WWOX: variants seen among roughly 807,000 people sequenced by gnomAD.
The protein encoded by WWOX is WW domain-containing oxidoreductase.
A neutral mutation model predicts 46.2 loss-of-function variants in WWOX; 69 were observed. The ratio of observed to expected loss-of-function variants is 1.49; its 90% CI spans 1.23 to 1.82. The LOEUF is 1.82. WWOX is among the 40% of genes most tolerant of loss of function. The probability of loss-of-function intolerance (pLI) is 0.00; values close to 1 mark genes in which losing one functional copy is unlikely to be tolerated. For missense variants in WWOX, 919 were observed against 542.6 expected (o/e 1.69, Z -6.89); for synonymous variants, 359 against 202.6 (o/e 1.77, Z -6.56).
chr16:78,175,608 G>A (rs1413162324), intron 5 of WWOX, among the ~76,000 whole-genome samples: 1 of 152,156 alleles, frequency 6.6e-6, no homozygotes, highest in Non-Finnish European at 1.5e-5. Context: ...CACCAGCCAT[G>A]TATATGATCC....
At chr16:78,246,823 C>G (rs181552753) in intron 5 of WWOX, among the ~76,000 whole-genome samples, 1 of 151,954 alleles carries the variant, frequency 6.6e-6, no homozygotes, top group African/African-American at 2.4e-5. Context: ...CCTGGAAGTG[C>G]GAGCAATTGA....
intron 4 of WWOX, among the ~76,000 whole-genome samples, chr16:78,152,143 T>C (rs754735449): frequency 6.6e-6 from 1 of 150,840 alleles, no homozygotes; most frequent in South Asian, 2.1e-4. Context: ...TGAGCCGAGA[T>C]CGCGCCACTG....
At position 78,361,971 on chromosome 16, in the gene WWOX, C is replaced by CTTTTTT. The variant is rs56026502; in HGVS notation, c.517-24881_517-24876dup. Among the ~76,000 whole-genome samples the CTTTTTT allele has an allele frequency of 1.3e-4, 18 of 138,568 alleles. No individual in the cohort carries two copies. In the South Asian group the frequency reaches 1.4e-3, roughly 10 times the overall value. The allele number at this position is 138,568 out of a possible 152,430, so 90.9% of individuals were successfully genotyped here. On this transcript the variant is annotated intron_variant, in intron 5 of 8. Coordinates refer to ENST00000566780, the MANE Select transcript of WWOX (RefSeq NM_016373.4). ...ATTAGCGTAGATTCACAGGTATTTC[C>CTTTTTT]TTTTTTTTTTTTTGATTTATTAATA...
At chr16:78,656,145 T>G (rs113317559) in intron 8 of WWOX, among the ~76,000 whole-genome samples, 64 of 152,308 alleles carry the variant, frequency 4.2e-4, no homozygotes, top group African/African-American at 1.5e-3. Flanking sequence ...ATGAAAGTTA[T>G]GCTCTGTTGT....
chr16:78,744,683 C>A (rs138332519), intron 8 of WWOX, among the ~76,000 whole-genome samples: 1 of 152,216 alleles, frequency 6.6e-6, no homozygotes, highest in Non-Finnish European at 1.5e-5. Context: ...CCACCTGCCT[C>A]GGCCTCCCAA....
chr16:78,480,895 A>G (rs1159654240), intron 8 of WWOX, among the ~76,000 whole-genome samples: 1 of 152,236 alleles, frequency 6.6e-6, no homozygotes, highest in Non-Finnish European at 1.5e-5. Context: ...AATGAACAAG[A>G]GACTTACAAA....
At chr16:78,372,902 T>A (rs2081727659) in intron 5 of WWOX, among the ~76,000 whole-genome samples, 1 of 152,196 alleles carries the variant, frequency 6.6e-6, no homozygotes, top group Non-Finnish European at 1.5e-5. Flanking sequence ...TTTGGAATAA[T>A]GAGCTTGGTT....
chr16:79,178,435 G>A (rs924309734), intron 8 of WWOX, among the ~76,000 whole-genome samples: 3 of 152,068 alleles, frequency 2.0e-5, no homozygotes, highest in Middle Eastern at 3.2e-3. Flanking sequence ...TCTTGCCTTA[G>A]CCACCCGAGT....
chr16:79,188,824 G>C (rs1454491276), intron 8 of WWOX, among the ~76,000 whole-genome samples: 3 of 152,160 alleles, frequency 2.0e-5, no homozygotes. Context: ...GGGGCTGCTC[G>C]GTTCTCTCAC....
chr16:78,750,760 C>T (rs1256769954), intron 8 of WWOX, among the ~76,000 whole-genome samples: 3 of 152,148 alleles, frequency 2.0e-5, no homozygotes, highest in Non-Finnish European at 2.9e-5. Context: ...TTTTCTGTTT[C>T]TGCATTTATT....
intron 8 of WWOX, 126 bp from the exon 9 acceptor site, chr16:79,211,482 A>C: frequency 8.1e-7 from 1 of 1,231,306 alleles, no homozygotes. Flanking sequence ...ACCCTTTGCT[A>C]TGCCAAGATC....
intron 8 of WWOX, among the ~76,000 whole-genome samples, chr16:78,901,750 A>T (rs922501418): frequency 6.6e-6 from 1 of 152,330 alleles, no homozygotes; most frequent in Non-Finnish European, 1.5e-5. Context: ...TGGTCTCCCA[A>T]AGTGCTGGGA....
chr16:78,391,167 CTCT>C (rs2082167706), intron 6 of WWOX, among the ~76,000 whole-genome samples: 1 of 151,664 alleles, frequency 6.6e-6, no homozygotes, highest in Non-Finnish European at 1.5e-5. Context: ...CTTCCTGGAT[CTCT>C]TCTTTTTATT....
At chr16:78,974,080 G>C (rs2046524720) in intron 8 of WWOX, among the ~76,000 whole-genome samples, 1 of 152,144 alleles carries the variant, frequency 6.6e-6, no homozygotes, top group Admixed American at 6.5e-5. Flanking sequence ...AAAAAATCTT[G>C]CATTCAAAAA....
intron 7 of WWOX, 98 bp downstream of exon 7, chr16:78,425,153 G>T (rs999623549): frequency 1.3e-5 from 19 of 1,517,024 alleles, no homozygotes; most frequent in East Asian, 1.1e-4. Flanking sequence ...CATTAGTCCT[G>T]CTTGAGACAT....
At chr16:78,376,235 G>C (rs772786341) in intron 5 of WWOX, among the ~76,000 whole-genome samples, 5 of 150,726 alleles carry the variant, frequency 3.3e-5, no homozygotes, top group Admixed American at 1.3e-4. Context: ...TGATAAGGAA[G>C]CTCACGCTTA....
chr16:78,825,058 A>T (rs891328481), intron 8 of WWOX, among the ~76,000 whole-genome samples: 1 of 152,192 alleles, frequency 6.6e-6, no homozygotes, highest in African/African-American at 2.4e-5. Context: ...GGCTAGGGGA[A>T]AATGGTAATA....
chr16:78,594,359 T>C (rs2045426480), intron 8 of WWOX, among the ~76,000 whole-genome samples: 1 of 149,538 alleles, frequency 6.7e-6, no homozygotes, highest in Non-Finnish European at 1.5e-5. Context: ...CTCATATTCT[T>C]GCATTTGCTG....
At chr16:78,747,352 T>C (rs964778815) in intron 8 of WWOX, among the ~76,000 whole-genome samples, 8 of 151,952 alleles carry the variant, frequency 5.3e-5, no homozygotes, top group Non-Finnish European at 1.0e-4. Flanking sequence ...CGACCACACC[T>C]GTCTAATTTC....
Sources: allele counts gnomAD v4.1 joint callset (sites outside exome capture counted in the v4.1 genomes callset), GRCh38; gene constraint gnomAD v4.1.1; transcripts MANE v1.5; gene names NCBI Gene and HGNC (gene_info 2026-07-23, HGNC 2026-07-21).